Variants in EIF2D observed in about 807,000 individuals in gnomAD.
EIF2D encodes the protein hepatocellular carcinoma-associated antigen 56.
In EIF2D, 56 loss-of-function variants were observed where a neutral mutation model predicts 77.4. The ratio of observed to expected loss-of-function variants is 0.72; its 90% CI spans 0.58 to 0.90. The LOEUF (loss-of-function observed/expected upper bound fraction) is 0.90. EIF2D is among the 40% of genes least tolerant of loss of function. EIF2D has a pLI of 0.00. For synonymous variants in EIF2D, 230 were observed against 271.0 expected, an observed-to-expected ratio of 0.85 and a Z score of 1.49; for missense variants, 574 against 706.5, an observed-to-expected ratio of 0.81 and a Z score of 2.13.
At chr1:206,569,878 G>C (rs1286564121), downstream of EIF2D, among the ~76,000 whole-genome samples, 1 of 152,098 alleles carries the variant, frequency 6.6e-6, no homozygotes, top group Non-Finnish European at 1.5e-5. Context: ...CCTAGGAAAA[G>C]AGCCTGGTCT....
Position 206,598,961 on chromosome 1 carries a change from A to G in EIF2D, c.1292+42T>C, listed in dbSNP as rs199623664. On this transcript the variant is annotated intron_variant, in intron 11 of 14. Coordinates refer to ENST00000271764, the MANE Select transcript of EIF2D (RefSeq NM_006893.3). ...AAATGTGTCTATGTCTGATAAAGAC[A>G]AAGACCCAATAAGACAGATCTGGTG... The G allele has an allele frequency of 1.4e-3, 2,205 of 1,595,454 alleles. 3 individuals carry two copies. Among genetic ancestry groups the G allele is most frequent in the Middle Eastern group, 3.8e-3 (23 of 6,028 alleles).
At chr1:206,595,300 G>A (rs1044889212) in intron 13 of EIF2D, 5 of 154,032 alleles carry the variant, frequency 3.2e-5, no homozygotes, top group African/African-American at 1.2e-4. Flanking sequence ...CATATTTGAG[G>A]AGAGATGTCA....
intron 5 of EIF2D, 156 bp downstream of exon 5, chr1:206,605,244 A>C: frequency 1.9e-6 from 1 of 521,428 alleles, no homozygotes; most frequent in Non-Finnish European, 3.4e-6. Context: ...AGGGGAAAAA[A>C]ATATTTTCTT....
chr1:206,586,750 G>A (rs1013173773), downstream of EIF2D: 4 of 1,106,300 alleles, frequency 3.6e-6, no homozygotes, highest in East Asian at 9.4e-5. Flanking sequence ...AAGGCAGCAG[G>A]GTCTCTCAGG....
At chr1:206,581,781 G>A (rs1553406397) in intron 2 of EIF2D, among the ~76,000 whole-genome samples, 1 of 152,132 alleles carries the variant, frequency 6.6e-6, no homozygotes, top group African/African-American at 2.4e-5. Context: ...CGGTTCTGTG[G>A]GATTGGAAAG....
Position 206,599,325 on chromosome 1 carries a change from TG to T in EIF2D, c.1202+137del. On this transcript the variant is annotated intron_variant, in intron 10 of 14. Coordinates refer to ENST00000271764, the MANE Select transcript of EIF2D (RefSeq NM_006893.3). This position sits in a 1 kb window ranked among gnomAD's most constrained non-coding sequence, Gnocchi z 4.1. Reference sequence around the variant, plus strand: ...GAGGAACTTGCCCAGGGAAGAAGGCTGGAAGCTGGATTTTGGAGAAGGGGAG... The same window carrying T: ...GAGGAACTTGCCCAGGGAAGAAGGCTGAAGCTGGATTTTGGAGAAGGGGAG... 8.2e-7 allele frequency: 1 copy of T among 1,223,284 alleles called. No individual in the cohort carries two copies. Among genetic ancestry groups the T allele is most frequent in the Non-Finnish European group, 1.1e-6 (1 of 871,264 alleles). The allele number at this position is 1,223,284 out of a possible 1,614,324, so 75.8% of individuals were successfully genotyped here. A position where few individuals can be genotyped will look rare whatever the true frequency, so the allele number is the denominator to read the frequency against.
At chr1:206,595,897 C>T (rs527736687) in intron 12 of EIF2D, 59 bp from the exon 13 acceptor site, 14 of 1,594,084 alleles carry the variant, frequency 8.8e-6, no homozygotes, top group Middle Eastern at 1.7e-4. Flanking sequence ...TTTCCTCATA[C>T]CCCACTACCA....
rs1669474468 is a variant in EIF2D at position 206,593,500 on chromosome 1, A to AGTGT, written c.1684+118_1684+119insACAC. ...GAGAGAGAGAGAGCGAGAGAGAGAG[A>AGTGT]GAGAGAGAGTGTGTGTGTGTGTGTG... On this transcript the variant is annotated intron_variant, in intron 14 of 14. Transcript: ENST00000271764. 11 of 433,286 alleles carry AGTGT rather than the reference A, an allele frequency of 2.5e-5. No individual in the cohort carries two copies. The Admixed American group carries it at 2.9e-4, about 11-fold the overall frequency. 26.8% of individuals were successfully genotyped at this position (433,286 alleles called of 1,614,324 possible). A position where few individuals can be genotyped will look rare whatever the true frequency, so the allele number is the denominator to read the frequency against.
chr1:206,603,074 C>A lies in EIF2D; in HGVS notation c.661G>T (p.Glu221Ter). 1 of 1,614,218 alleles carries A rather than the reference C, an allele frequency of 6.2e-7. No individual in the cohort carries two copies. The highest frequency in any genetic ancestry group is 8.5e-7 in the Non-Finnish European group (1 of 1,180,038). The change falls in exon 6 of 15, where the codon GAG becomes TAG. Residue 221 changes from glutamate (E) to a stop codon, truncating the protein, a stop_gained. Transcript: ENST00000271764. LOFTEE classifies it high-confidence loss of function. ...LQGDMRHMTL[E>*]GEEENGEVHQ... Reference sequence around the variant, plus strand: ...ACCTCCCCATTCTCCTCTTCCCCCTCCAGGGTCATGTGCCTCATGTCTCCC... The same window carrying A: ...ACCTCCCCATTCTCCTCTTCCCCCTACAGGGTCATGTGCCTCATGTCTCCC...
Position 206,580,435 on chromosome 1 carries a change from G to A in EIF2D, c.*254+257C>T, listed in dbSNP as rs553182321. Among the ~76,000 whole-genome samples, 3 of 152,328 alleles carry A rather than the reference G, an allele frequency of 2.0e-5. No individual in the cohort carries two copies. The East Asian group carries it at 5.8e-4, about 29-fold the overall frequency. On this transcript the variant is annotated intron_variant and NMD_transcript_variant, in intron 4 of 5. Coordinates refer to the EIF2D transcript ENST00000472709. The stretch of plus-strand genomic sequence containing the variant: ...CCTACATGCGTCAGAGACAGAGTGA[G>A]TGTATAATAGTAACCAGACAACGGG...
At chr1:206,606,877 T>C (rs568270271) in intron 4 of EIF2D, among the ~76,000 whole-genome samples, 3 of 152,312 alleles carry the variant, frequency 2.0e-5, no homozygotes, top group South Asian at 2.1e-4. Flanking sequence ...TATAGGGAAA[T>C]AGGCTCCATA....
chr1:206,582,651 G>A (rs7528718), intron 2 of EIF2D, among the ~76,000 whole-genome samples: 7,924 of 152,212 alleles, frequency 0.052, 716 homozygotes, highest in African/African-American at 0.18. Context: ...CAGTTCACTC[G>A]TTCATTTGAC....
chr1:206,608,104 C>T (rs1183769338), intron 4 of EIF2D, 132 bp downstream of exon 4: 7 of 678,590 alleles, frequency 1.0e-5, no homozygotes, highest in Non-Finnish European at 1.7e-5. Flanking sequence ...CTCCTGCTGG[C>T]CCACTCTGCT....
intron 5 of EIF2D, 129 bp from the exon 6 acceptor site, chr1:206,603,333 GA>G: frequency 7.9e-7 from 1 of 1,270,124 alleles, no homozygotes; most frequent in African/African-American, 1.5e-5. Flanking sequence ...GGAGGGGGCA[GA>G]GAGCCTGTGC....
At position 206,600,313 on chromosome 1, in the gene EIF2D, T is replaced by C. The variant is rs2102289078; in HGVS notation, c.903-5A>G. On this transcript the variant is annotated splice_region_variant and splice_polypyrimidine_tract_variant and intron_variant, in intron 7 of 14. Transcript: ENST00000271764. The stretch of plus-strand genomic sequence containing the variant: ...TCCAGTTGTCGTCCTTCGGGGCTGA[T>C]GGCAGATGGAAAAGGCAAATTAAAC... The C allele has an allele frequency of 3.1e-6, 5 of 1,613,822 alleles. No individual in the cohort carries two copies. Among genetic ancestry groups the C allele is most frequent in the Middle Eastern group, 1.7e-4 (1 of 6,058 alleles).
intron 4 of EIF2D, among the ~76,000 whole-genome samples, chr1:206,575,815 A>G (rs1271672577): frequency 6.6e-6 from 1 of 152,208 alleles, no homozygotes; most frequent in Non-Finnish European, 1.5e-5. Context: ...ATGGTCTTGC[A>G]TTTGTTCTCA....
intron 11 of EIF2D, 71 bp downstream of exon 11, chr1:206,598,932 C>T (rs1339751752): frequency 2.7e-6 from 4 of 1,480,760 alleles, no homozygotes; most frequent in African/African-American, 1.4e-5. Context: ...CAGACATCCT[C>T]CCCAAATGTG....
intron 2 of EIF2D, 137 bp downstream of exon 2, chr1:206,611,047 C>G: frequency 1.3e-6 from 1 of 777,800 alleles, no homozygotes; most frequent in Non-Finnish European, 2.0e-6. Context: ...ACACCAGGTC[C>G]ATAAAGATCC....
downstream of EIF2D, chr1:206,589,067 G>C (rs1434912036): frequency 6.5e-6 from 1 of 152,776 alleles, no homozygotes; most frequent in Non-Finnish European, 1.5e-5. Flanking sequence ...AGCACAGTTA[G>C]ACCCAAGGCC....
Sources: gnomAD v4.1 joint callset for allele counts (sites outside exome capture counted in the v4.1 genomes callset) on GRCh38, gnomAD v4.1.1 for gene constraint, Gnocchi (gnomAD v3.1) non-coding constraint, MANE v1.5 for transcripts, NCBI Gene and HGNC (gene_info 2026-07-23, HGNC 2026-07-21) for gene names.